The following NLRP7 variants were observed in gnomAD, a reference collection of about 807,000 sequenced individuals.
NLRP7 encodes the protein NLR family pyrin domain containing 7, also known as NACHT, LRR and PYD domains-containing protein 7.
NLRP7 carries 72 observed loss-of-function variants against 85.5 expected under a neutral mutation model. The ratio of observed to expected loss-of-function variants is 0.84; its 90% confidence interval spans 0.70 to 1.02. The LOEUF (loss-of-function observed/expected upper bound fraction) is 1.02. Among genes scored for constraint, NLRP7 ranks in the 50% least tolerant of loss-of-function variants. The pLI is 0.00. For missense variants in NLRP7, 1,243 were observed against 1,219.5 expected (o/e 1.02, Z -0.29); for synonymous variants, 550 against 505.2 (o/e 1.09, Z -1.19).
In NLRP7 at chr19:54,938,149, C is replaced by G. The variant is rs758762309; in HGVS notation, c.2024G>C (p.Ser675Thr). 3.7e-6 allele frequency: 6 copies of G among 1,613,880 alleles called. No homozygotes were observed. The African/African-American group carries it at 8.0e-5, about 22-fold the overall frequency. ...TTTCACTTCCAGAAACTTGAGGTTG[C>G]TGTTTGAGCTGAAGAGAGAGCAGAA... Residue 675 changes from serine (S) to threonine (T), a missense_variant, in exon 5 of 10, where the codon AGC (serine) becomes ACC (threonine). Ser to Thr is a moderately conservative substitution (Grantham distance 58, BLOSUM62 1). Transcript: ENST00000340844.
chr19:54,963,301 C>T (rs1022609072), intron 1 of NLRP7, among the ~76,000 whole-genome samples: 1 of 152,038 alleles, frequency 6.6e-6, no homozygotes, highest in Non-Finnish European at 1.5e-5. Flanking sequence ...TATGATTGTG[C>T]CACTGCACAC....
At chr19:54,947,821 A>G (rs754822718), upstream of NLRP7, 8 of 346,658 alleles carry the variant, frequency 2.3e-5, no homozygotes, top group African/African-American at 4.3e-5. Flanking sequence ...TGGGTTTTGC[A>G]GGGTACCTGG....
chr19:54,927,546 A>G, intron 9 of NLRP7, 59 bp downstream of exon 10: 12 of 1,469,958 alleles, frequency 8.2e-6, no homozygotes, highest in Non-Finnish European at 1.1e-5. Context: ...ACAGAGCACG[A>G]CTCCATCTCA....
chr19:54,963,419 G>C (rs1602254304), intron 1 of NLRP7, among the ~76,000 whole-genome samples: 2 of 152,194 alleles, frequency 1.3e-5, no homozygotes, highest in South Asian at 4.2e-4. Flanking sequence ...GCTGGGCGCG[G>C]TGGTTCGTGC....
chr19:54,925,946 G>A (rs1346811982), intron 9 of NLRP7, among the ~76,000 whole-genome samples: 1 of 151,544 alleles, frequency 6.6e-6, no homozygotes, highest in Non-Finnish European at 1.5e-5. Context: ...CTTGCAGTGA[G>A]CCGAGATCGC....
At chr19:54,943,102 G>A (rs1398871525) in intron 1 of NLRP7, among the ~76,000 whole-genome samples, 7 of 151,658 alleles carry the variant, frequency 4.6e-5, no homozygotes, top group Admixed American at 4.6e-4. Context: ...AGCTGAGATA[G>A]CGCCATTGTA....
At chr19:54,953,902 G>C (rs139257457) in intron 1 of NLRP7, among the ~76,000 whole-genome samples, 11,453 of 151,946 alleles carry the variant, frequency 0.075, 500 homozygotes, top group African/African-American at 0.12. Flanking sequence ...AGCTACTCGG[G>C]AGGCTGAGGC....
chr19:54,935,577 C>A (rs1289082515), intron 6 of NLRP7, among the ~76,000 whole-genome samples: 2 of 128,604 alleles, frequency 1.6e-5, no homozygotes, highest in African/African-American at 3.1e-5. Flanking sequence ...ACGCCTGTAA[C>A]CCCAGCTACT....
At chr19:54,962,754 C>T (rs1279282897) in intron 1 of NLRP7, among the ~76,000 whole-genome samples, 3 of 150,668 alleles carry the variant, frequency 2.0e-5, no homozygotes, top group Non-Finnish European at 4.4e-5. Context: ...CGCCCGCCAC[C>T]ACGCCCGGCT....
chr19:54,943,323 C>T (rs767016506), intron 1 of NLRP7, among the ~76,000 whole-genome samples: 53 of 151,822 alleles, frequency 3.5e-4, no homozygotes, highest in South Asian at 8.3e-4. Flanking sequence ...AACTAATGGC[C>T]GGGTGCGGTG....
At chr19:54,948,992 T>C, upstream of NLRP7, 1 of 159,512 alleles carries the variant, frequency 6.3e-6, no homozygotes, top group South Asian at 1.8e-4. Flanking sequence ...ATAGGCACTA[T>C]GGAGGCCTGG....
chr19:54,930,583 T>A, exon 9 of NLRP7: 1 of 1,612,254 alleles, frequency 6.2e-7, no homozygotes, highest in Non-Finnish European at 8.5e-7. Context: ...GATACTCAAG[T>A]CCAGGTTTGT....
At chr19:54,964,905 T>C (rs1487299391) in intron 1 of NLRP7, among the ~76,000 whole-genome samples, 1 of 114,794 alleles carries the variant, frequency 8.7e-6, no homozygotes, top group African/African-American at 3.7e-5. Flanking sequence ...GACGTGTCAT[T>C]GATATTTCAC....
At chr19:54,960,161 C>A (rs1447074018) in intron 1 of NLRP7, among the ~76,000 whole-genome samples, 1 of 151,706 alleles carries the variant, frequency 6.6e-6, no homozygotes, top group East Asian at 1.9e-4. Flanking sequence ...TTGTTTCTTT[C>A]GTTTTGTTTT....
Position 54,934,788 on chromosome 19 carries a change from CA to C in NLRP7, c.2301-130del, listed in dbSNP as rs1471814904. The C allele has an allele frequency of 1.0e-5, 7 of 702,792 alleles. No individual in the cohort carries two copies. The highest frequency in any genetic ancestry group is 1.6e-5 in the Non-Finnish European group (7 of 429,074). 43.5% of individuals were successfully genotyped at this position (702,792 alleles called of 1,614,324 possible). A position where few individuals can be genotyped will look rare whatever the true frequency, so the allele number is the denominator to read the frequency against. ...GCAAAGGCGTGATCTCACCTCACTG[CA>C]GCCTCCGCCTCCCGGGTTCAAGCTA... On this transcript the variant is annotated intron_variant, in intron 6 of 9. Transcript: ENST00000340844. This position sits in a 1 kb window ranked among gnomAD's most constrained non-coding sequence, Gnocchi z 6.7.
chr19:54,943,030 C>T (rs2069300941), intron 1 of NLRP7, among the ~76,000 whole-genome samples: 1 of 151,944 alleles, frequency 6.6e-6, no homozygotes, highest in Non-Finnish European at 1.5e-5. Flanking sequence ...ACCTGTAATC[C>T]CAGGTACGTG....
intron 5 of NLRP7, among the ~76,000 whole-genome samples, chr19:54,937,263 A>G (rs555643808): frequency 3.9e-5 from 6 of 151,922 alleles, no homozygotes; most frequent in African/African-American, 1.4e-4. Context: ...AAAAACAACT[A>G]AGGGGTACTA....
chr19:54,943,293 G>A (rs907692983), intron 1 of NLRP7, among the ~76,000 whole-genome samples: 5 of 151,008 alleles, frequency 3.3e-5, no homozygotes, highest in African/African-American at 1.2e-4. Context: ...ACAGAGTGAG[G>A]CCCTGTCTCA....
chr19:54,964,437 C>T (rs1172545161), intron 1 of NLRP7, among the ~76,000 whole-genome samples: 5 of 147,604 alleles, frequency 3.4e-5, no homozygotes, highest in African/African-American at 9.9e-5. Context: ...AGGATGGTCT[C>T]GATCTCCTGA....
Sources: gnomAD v4.1 joint callset for allele counts (sites outside exome capture counted in the v4.1 genomes callset) on GRCh38, gnomAD v4.1.1 for gene constraint, Gnocchi (gnomAD v3.1) non-coding constraint, MANE v1.5 for transcripts, NCBI Gene and HGNC (gene_info 2026-07-23, HGNC 2026-07-21) for gene names.